ADGRL3: variants seen among roughly 807,000 people sequenced by gnomAD.
ADGRL3 encodes the protein adhesion G protein-coupled receptor L3.
A neutral mutation model predicts 153.5 loss-of-function variants in ADGRL3; 62 were observed. The ratio of observed to expected loss-of-function variants is 0.40; its 90% CI spans 0.33 to 0.50. ADGRL3 has a LOEUF of 0.50. ADGRL3 is among the 20% of genes least tolerant of loss of function. ADGRL3 has a pLI of 0.47. For missense variants in ADGRL3, 1,641 were observed against 1,859.4 expected (o/e 0.88, Z 2.16); for synonymous variants, 710 against 672.5 (o/e 1.06, Z -0.86).
At chr4:61,505,460 G>A (rs2098421997) in intron 3 of ADGRL3, among the ~76,000 whole-genome samples, 1 of 151,860 alleles carries the variant, frequency 6.6e-6, no homozygotes, top group East Asian at 1.9e-4. Context: ...CCTGTATACT[G>A]GTGAATTGTA....
chr4:61,336,081 A>G (rs1415595263), intron 1 of ADGRL3, among the ~76,000 whole-genome samples: 2 of 152,196 alleles, frequency 1.3e-5, no homozygotes, highest in African/African-American at 4.8e-5. Context: ...CAAATACTAT[A>G]TTAGGTATAT....
chr4:61,821,541 T>C (rs548383076), intron 9 of ADGRL3, among the ~76,000 whole-genome samples: 1 of 152,224 alleles, frequency 6.6e-6, no homozygotes. Flanking sequence ...TACTACTTTT[T>C]ATAAATCTAG....
intron 4 of ADGRL3, among the ~76,000 whole-genome samples, chr4:61,525,444 A>T (rs1579335077): frequency 6.6e-6 from 1 of 152,266 alleles, no homozygotes; most frequent in Admixed American, 6.5e-5. Flanking sequence ...GGCAGTTTGT[A>T]GCTACCTTAG....
chr4:61,457,414 A>G (rs1018395892), intron 2 of ADGRL3, among the ~76,000 whole-genome samples: 2 of 151,980 alleles, frequency 1.3e-5, no homozygotes, highest in Admixed American at 1.3e-4. Flanking sequence ...AGAAATTTAA[A>G]ATTAAGATAT....
chr4:62,071,381 G>A lies in ADGRL3; in HGVS notation c.*473G>A, dbSNP rs1020097637. The A allele has an allele frequency of 1.9e-4, 32 of 165,550 alleles. No individual in the cohort carries two copies. The East Asian group carries it at 5.3e-3, about 27-fold the overall frequency. 10.3% of individuals were successfully genotyped at this position (165,550 alleles called of 1,614,324 possible). A position where few individuals can be genotyped will look rare whatever the true frequency, so the allele number is the denominator to read the frequency against. Reference sequence around the variant, plus strand: ...CAAAACTGTATCACATAGGGTTTTTGGTCACTCACAACCTGAATTCACCAC... The same window carrying A: ...CAAAACTGTATCACATAGGGTTTTTAGTCACTCACAACCTGAATTCACCAC... On this transcript the variant is annotated 3_prime_UTR_variant, in exon 27 of 27. Coordinates refer to ENST00000683033, the MANE Select transcript of ADGRL3 (RefSeq NM_001387552.1).
At chr4:61,370,030 G>A (rs1289808756) in intron 1 of ADGRL3, among the ~76,000 whole-genome samples, 3 of 152,026 alleles carry the variant, frequency 2.0e-5, no homozygotes, top group African/African-American at 4.8e-5. Flanking sequence ...GGTGTTTGTA[G>A]TATTCTCTGA....
At chr4:61,218,476 C>T (rs1743905652) in intron 1 of ADGRL3, among the ~76,000 whole-genome samples, 1 of 151,286 alleles carries the variant, frequency 6.6e-6, no homozygotes, top group East Asian at 1.9e-4. Context: ...TGCCCAGCTA[C>T]TTTTTTTTTA....
At chr4:61,255,575 T>C (rs1313548016) in intron 1 of ADGRL3, among the ~76,000 whole-genome samples, 2 of 152,338 alleles carry the variant, frequency 1.3e-5, no homozygotes, top group African/African-American at 2.4e-5. Context: ...TAATTATTCT[T>C]ATGTTGTCAT....
intron 5 of ADGRL3, among the ~76,000 whole-genome samples, chr4:61,627,092 T>A: frequency 6.6e-6 from 1 of 152,144 alleles, no homozygotes; most frequent in East Asian, 1.9e-4. Flanking sequence ...TACCCTTTAT[T>A]GCCTCTGATT....
intron 15 of ADGRL3, 94 bp downstream of exon 15, chr4:61,936,139 C>A: frequency 7.4e-7 from 1 of 1,351,120 alleles, no homozygotes; most frequent in Non-Finnish European, 1.0e-6. Context: ...TATTTAGGAG[C>A]TTTTCCCCTC....
At chr4:61,894,952 A>G (rs1193999676) in intron 10 of ADGRL3, among the ~76,000 whole-genome samples, 1 of 152,190 alleles carries the variant, frequency 6.6e-6, no homozygotes, top group Admixed American at 6.5e-5. Flanking sequence ...TTCTACTTTC[A>G]TTAAATACAA....
intron 25 of ADGRL3, among the ~76,000 whole-genome samples, chr4:62,059,075 T>C (rs754874362): frequency 1.3e-5 from 2 of 152,188 alleles, no homozygotes; most frequent in Non-Finnish European, 2.9e-5. Flanking sequence ...CCATTCTACC[T>C]AGTGAATGTG....
At position 61,442,368 on chromosome 4, in the gene ADGRL3, A is replaced by T. The variant is rs148813149; in HGVS notation, c.-173-54753A>T. Among the ~76,000 whole-genome samples, 236 of 152,302 alleles carry T rather than the reference A, an allele frequency of 1.5e-3. 2 individuals are homozygous for T. The highest frequency in any genetic ancestry group is 3.4e-3 in the Middle Eastern group (1 of 294). On this transcript the variant is annotated intron_variant, in intron 2 of 26. Transcript: ENST00000683033. ...CTAGAGAATCAGATACGTAGGAGAA[A>T]ATGACTAGACGTTAGTTTGAAAATA...
At chr4:61,725,622 A>C (rs1366385399) in intron 6 of ADGRL3, among the ~76,000 whole-genome samples, 3 of 152,094 alleles carry the variant, frequency 2.0e-5, no homozygotes, top group Non-Finnish European at 2.9e-5. Context: ...AAAAAACAAA[A>C]AAAAACAAAA....
At position 61,811,682 on chromosome 4, in the gene ADGRL3, A is replaced by G. The variant is rs575296371; in HGVS notation, c.1400-2127A>G. On this transcript the variant is annotated intron_variant, in intron 8 of 26. Transcript: ENST00000683033. ...ATATACATATGGATGTAGTGTGTCT[A>G]TATCTCCATATAAATGTGTCATTTT... Among the ~76,000 whole-genome samples the G allele has an allele frequency of 2.6e-5, 4 of 152,292 alleles. No homozygotes were observed. In the East Asian group the frequency reaches 5.8e-4, roughly 22 times the overall value.
intron 6 of ADGRL3, among the ~76,000 whole-genome samples, chr4:61,710,442 C>A (rs2095950040): frequency 1.3e-5 from 2 of 152,104 alleles, no homozygotes; most frequent in African/African-American, 2.4e-5. Flanking sequence ...TTGCAAGATT[C>A]CATGTGCCTG....
chr4:61,456,022 G>A (rs894081789), intron 2 of ADGRL3, among the ~76,000 whole-genome samples: 1 of 151,722 alleles, frequency 6.6e-6, no homozygotes, highest in Admixed American at 6.6e-5. Flanking sequence ...CTCCACGTTG[G>A]CCAGGCTGGT....
chr4:61,248,574 T>C (rs747528399), intron 1 of ADGRL3, among the ~76,000 whole-genome samples: 3 of 152,144 alleles, frequency 2.0e-5, no homozygotes, highest in Admixed American at 6.6e-5. Flanking sequence ...AGGGATGAAA[T>C]GGTTAATGGC....
chr4:61,875,056 C>T (rs1291588042), intron 9 of ADGRL3, among the ~76,000 whole-genome samples: 2 of 151,574 alleles, frequency 1.3e-5, no homozygotes, highest in Non-Finnish European at 2.9e-5. Context: ...GATCCACCCG[C>T]CTCGGCCTCC....
Sources: allele counts gnomAD v4.1 joint callset (sites outside exome capture counted in the v4.1 genomes callset), GRCh38; gene constraint gnomAD v4.1.1; transcripts MANE v1.5; gene names NCBI Gene and HGNC (gene_info 2026-07-23, HGNC 2026-07-21).